The following STAB2 variants were observed in gnomAD, a reference collection of about 807,000 sequenced individuals.
STAB2 encodes the protein stabilin 2.
Under a neutral mutation model 338.1 loss-of-function variants are expected in STAB2, and 288 were observed. The observed-to-expected ratio is 0.85, with a 90% CI of 0.77 to 0.94. The LOEUF is 0.94. Among genes scored for constraint, STAB2 ranks in the 40% least tolerant of loss-of-function variants. STAB2 has a pLI of 0.00. For missense variants in STAB2, 3,141 were observed against 3,210.1 expected, an observed-to-expected ratio of 0.98 and a Z score of 0.52; for synonymous variants, 1,202 against 1,193.3, an observed-to-expected ratio of 1.01 and a Z score of -0.15.
chr12:103,631,383 T>A (rs75507709), intron 5 of STAB2, among the ~76,000 whole-genome samples: 2,845 of 152,046 alleles, frequency 0.019, 78 homozygotes, highest in African/African-American at 0.062. Context: ...ATATACATTA[T>A]GTTACTTGAC....
intron 6 of STAB2, among the ~76,000 whole-genome samples, 161 bp from the exon 7 acceptor site, chr12:103,636,950 G>C (rs575590970): frequency 6.6e-6 from 1 of 152,214 alleles, no homozygotes; most frequent in African/African-American, 2.4e-5. Context: ...GTAAATTTGG[G>C]AGACTAAGAA....
intron 47 of STAB2, among the ~76,000 whole-genome samples, chr12:103,727,853 C>T (rs1478719050): frequency 6.6e-6 from 1 of 152,146 alleles, no homozygotes; most frequent in Non-Finnish European, 1.5e-5. Context: ...GTCCTCACAA[C>T]AACCCTGTGA....
At chr12:103,652,203 T>C (rs895288708) in intron 11 of STAB2, among the ~76,000 whole-genome samples, 7 of 152,252 alleles carry the variant, frequency 4.6e-5, no homozygotes, top group Non-Finnish European at 8.8e-5. Flanking sequence ...CTGCTTTCCA[T>C]GTTCAAGATA....
intron 18 of STAB2, 109 bp downstream of exon 18, chr12:103,663,107 A>G: frequency 7.1e-7 from 1 of 1,401,836 alleles, no homozygotes; most frequent in Non-Finnish European, 9.7e-7. Context: ...GGACTTCCAG[A>G]ACCTTGTCCC....
At chr12:103,603,722 G>T (rs1956987417) in intron 3 of STAB2, among the ~76,000 whole-genome samples, 2 of 152,066 alleles carry the variant, frequency 1.3e-5, no homozygotes, top group African/African-American at 2.4e-5. Context: ...TCAAGTTTAG[G>T]ATCAATTTGT....
intron 60 of STAB2, among the ~76,000 whole-genome samples, chr12:103,751,869 T>C (rs1883687378): frequency 6.6e-6 from 1 of 152,182 alleles, no homozygotes; most frequent in African/African-American, 2.4e-5. Context: ...GTGCATCACG[T>C]TGGACCTCCC....
chr12:103,711,584 GTC>G, intron 40 of STAB2, 68 bp downstream of exon 40: 1 of 1,552,902 alleles, frequency 6.4e-7, no homozygotes, highest in Non-Finnish European at 8.8e-7. Context: ...GTCTACCCTA[GTC>G]TCTATCCTCA....
rs540099626 is a variant in STAB2, at chr12:103,751,457, C to T, written c.6580+737C>T. 2.2e-4 allele frequency among the ~76,000 whole-genome samples: 34 copies of T among 152,262 alleles called. No individual in the cohort carries two copies. In the South Asian group the frequency reaches 6.8e-3, roughly 31 times the overall value. ...AGGCTCAGCCATGACATAAAGTTTC[C>T]ATCCTGAGACCAAATGCAGTGGTGG... On this transcript the variant is annotated intron_variant, in intron 60 of 68. Coordinates refer to ENST00000388887, the MANE Select transcript of STAB2 (RefSeq NM_017564.10).
At chr12:103,596,275 A>G (rs533987454) in intron 3 of STAB2, among the ~76,000 whole-genome samples, 2 of 152,352 alleles carry the variant, frequency 1.3e-5, no homozygotes, top group South Asian at 2.1e-4. Context: ...TCTGATGCTA[A>G]GTTACTAATC....
At chr12:103,629,247 A>G (rs1005159576) in intron 5 of STAB2, among the ~76,000 whole-genome samples, 1 of 152,216 alleles carries the variant, frequency 6.6e-6, no homozygotes, top group African/African-American at 2.4e-5. Context: ...AAAAAGACTC[A>G]CCATATCCAT....
At chr12:103,686,292 C>G (rs1379702436) in intron 27 of STAB2, among the ~76,000 whole-genome samples, 4 of 152,194 alleles carry the variant, frequency 2.6e-5, no homozygotes, top group Non-Finnish European at 5.9e-5. Flanking sequence ...TCACTGTCAA[C>G]TGTGCCTTCT....
Position 103,667,553 on chromosome 12 carries a change from G to GT in STAB2, c.2086-1090_2086-1089insT, listed in dbSNP as rs780472923. ...AGGGAAAGAGAAGGAAGAGGGAAAA[G>GT]AAAGGGAAATTAGACACATGGGTAG... On this transcript the variant is annotated intron_variant, in intron 19 of 68. Coordinates refer to ENST00000388887, the MANE Select transcript of STAB2 (RefSeq NM_017564.10). Among the ~76,000 whole-genome samples the GT allele has an allele frequency of 8.8e-4, 134 of 152,262 alleles. 6 individuals are homozygous for GT. The highest frequency in any genetic ancestry group is 3.4e-3 in the Middle Eastern group (1 of 292).
At chr12:103,753,949 C>T (rs930056388) in intron 61 of STAB2, among the ~76,000 whole-genome samples, 44 of 152,142 alleles carry the variant, frequency 2.9e-4, no homozygotes, top group Admixed American at 2.8e-3. Flanking sequence ...AGGAAGGAAA[C>T]GGAGCTCTTT....
intron 3 of STAB2, among the ~76,000 whole-genome samples, chr12:103,617,362 C>A (rs993167346): frequency 6.6e-6 from 1 of 152,152 alleles, no homozygotes; most frequent in Admixed American, 6.5e-5. Flanking sequence ...TTAACTGTTA[C>A]AATACCAATC....
In STAB2 at chr12:103,750,666, C is replaced by T; in HGVS notation, c.6526C>T (p.Gln2176Ter). The part of the protein sequence containing the change: ...PEQLPIDRCL[Q>*]DNGQCHADAK... ...GCAGCTGCCCATTGACCGCTGCTTA[C>T]AGGACAATGGGCAGTGCCATGCAGA... Residue 2176 changes from glutamine to a stop codon, truncating the protein, a stop_gained, in exon 60 of 69, where the codon CAG (glutamine) becomes TAG (stop). Coordinates refer to ENST00000388887, the MANE Select transcript of STAB2 (RefSeq NM_017564.10). LOFTEE classifies it high-confidence loss of function. 5.0e-6 allele frequency: 8 copies of T among 1,614,258 alleles called. No homozygotes were observed. The highest frequency in any genetic ancestry group is 5.9e-6 in the Non-Finnish European group (7 of 1,180,030).
chr12:103,653,840 G>A (rs1045923483), intron 12 of STAB2, among the ~76,000 whole-genome samples: 2 of 139,170 alleles, frequency 1.4e-5, no homozygotes, highest in African/African-American at 5.5e-5. Context: ...CACCGGATGG[G>A]TGGATGGATG....
intron 5 of STAB2, among the ~76,000 whole-genome samples, chr12:103,624,976 C>T (rs1957358813): frequency 6.6e-6 from 1 of 150,468 alleles, no homozygotes; most frequent in Admixed American, 6.6e-5. Flanking sequence ...ATTGGTGTCC[C>T]GTGTGTTTTT....
At chr12:103,657,986 C>T (rs767270952) in intron 15 of STAB2, 1 of 152,212 alleles carries the variant, frequency 6.6e-6, no homozygotes, top group Non-Finnish European at 1.5e-5. Flanking sequence ...TATCTTTCTA[C>T]TTCTCTCTGA....
intron 19 of STAB2, among the ~76,000 whole-genome samples, chr12:103,667,471 G>T (rs921541078): frequency 1.3e-5 from 2 of 152,188 alleles, no homozygotes; most frequent in African/African-American, 4.8e-5. Flanking sequence ...CAGCTGATGT[G>T]GCAGAACCAT....
Sources: allele counts gnomAD v4.1 joint callset (sites outside exome capture counted in the v4.1 genomes callset), GRCh38; gene constraint gnomAD v4.1.1; transcripts MANE v1.5; gene names NCBI Gene and HGNC (gene_info 2026-07-23, HGNC 2026-07-21).